The following SDCCAG8 variants were observed in gnomAD, a reference collection of about 807,000 sequenced individuals.
SDCCAG8 encodes SHH signaling and ciliogenesis regulator SDCCAG8.
A neutral mutation model predicts 101.8 loss-of-function variants in SDCCAG8; 74 were observed. The observed-to-expected ratio is 0.73, with a 90% CI of 0.60 to 0.88. The LOEUF is 0.88. Among genes scored for constraint, SDCCAG8 ranks in the 40% least tolerant of loss-of-function variants. The pLI, the probability that SDCCAG8 is intolerant of heterozygous loss-of-function variation, is 0.00. For missense variants in SDCCAG8, 787 were observed against 822.6 expected, an observed-to-expected ratio of 0.96 and a Z score of 0.53; for synonymous variants, 281 against 292.9, an observed-to-expected ratio of 0.96 and a Z score of 0.41.
chr1:243,279,737 G>A (rs1367202830), intron 4 of SDCCAG8, among the ~76,000 whole-genome samples: 3 of 152,134 alleles, frequency 2.0e-5, no homozygotes, highest in African/African-American at 4.8e-5. Context: ...CCAATGTTGT[G>A]TAATTAGAAT....
chr1:243,374,032 G>T (rs544347975), intron 12 of SDCCAG8, among the ~76,000 whole-genome samples: 78 of 152,072 alleles, frequency 5.1e-4, no homozygotes, highest in African/African-American at 1.7e-3. Flanking sequence ...ATTCTAATAG[G>T]TAAAATATTA....
At chr1:243,463,046 A>G (rs1659446815) in intron 16 of SDCCAG8, among the ~76,000 whole-genome samples, 1 of 152,224 alleles carries the variant, frequency 6.6e-6, no homozygotes, top group South Asian at 2.1e-4. Context: ...TCCAGGGCCA[A>G]TAGGAGCTTT....
chr1:243,263,531 G>T (rs1207159354), intron 1 of SDCCAG8, among the ~76,000 whole-genome samples: 1 of 152,216 alleles, frequency 6.6e-6, no homozygotes. Context: ...TCAGTGGAAA[G>T]TGACAGGTGC....
intron 12 of SDCCAG8, among the ~76,000 whole-genome samples, chr1:243,365,704 A>G (rs1160373439): frequency 1.3e-5 from 2 of 152,132 alleles, no homozygotes; most frequent in Non-Finnish European, 2.9e-5. Flanking sequence ...TATCTAAAAA[A>G]CTATATTTAC....
intron 8 of SDCCAG8, among the ~76,000 whole-genome samples, chr1:243,310,369 T>C (rs958360675): frequency 6.6e-6 from 1 of 152,146 alleles, no homozygotes; most frequent in Non-Finnish European, 1.5e-5. Flanking sequence ...TTTTTAAAAA[T>C]CTTCAAGCGT....
chr1:243,323,487 A>G (rs1285104740), intron 9 of SDCCAG8, among the ~76,000 whole-genome samples: 1 of 151,654 alleles, frequency 6.6e-6, no homozygotes, highest in East Asian at 1.9e-4. Context: ...ATGTCATCAC[A>G]TTTTTCTTGC....
intron 13 of SDCCAG8, among the ~76,000 whole-genome samples, chr1:243,409,721 A>G (rs571300557): frequency 6.6e-6 from 1 of 152,334 alleles, no homozygotes; most frequent in South Asian, 2.1e-4. Context: ...GCATAAAAAT[A>G]ATAATCATAA....
At chr1:243,427,356 G>A (rs967675394) in intron 16 of SDCCAG8, among the ~76,000 whole-genome samples, 2 of 151,854 alleles carry the variant, frequency 1.3e-5, no homozygotes, top group Non-Finnish European at 2.9e-5. Context: ...AATAAACACA[G>A]CCTCTTACTA....
At chr1:243,485,894 G>GA (rs111581512) in intron 16 of SDCCAG8, among the ~76,000 whole-genome samples, 169 of 102,312 alleles carry the variant, frequency 1.7e-3, no homozygotes, top group Admixed American at 2.2e-3. Flanking sequence ...TTCGTATCAA[G>GA]AAAAAAAAAA....
intron 12 of SDCCAG8, among the ~76,000 whole-genome samples, chr1:243,349,451 A>T (rs552987348): frequency 6.6e-6 from 1 of 152,350 alleles, no homozygotes; most frequent in South Asian, 2.1e-4. Context: ...TAAAATATTT[A>T]CTGTCTGACC....
chr1:243,304,737 GA>G lies in SDCCAG8; in HGVS notation c.704del (p.Lys235SerfsTer9). ...GGAGAAGCTAAAACTTACTTATGAG[GA>G]AAAGTGTGAAATTGAGGAATCCCAA... ...ELEKLKLTYE[E>X]KCEIEESQLK... On this transcript the variant is annotated frameshift_variant, in exon 7 of 18. Transcript: ENST00000366541. LOFTEE classifies it high-confidence loss of function. 6.3e-7 allele frequency: 1 copy of G among 1,593,722 alleles called. No homozygotes were observed. Among genetic ancestry groups the G allele is most frequent in the Non-Finnish European group, 8.6e-7 (1 of 1,161,722 alleles).
intron 3 of SDCCAG8, among the ~76,000 whole-genome samples, chr1:243,272,458 CATT>C (rs10564216): frequency 0.031 from 4,689 of 152,256 alleles, 232 homozygotes; most frequent in African/African-American, 0.11. Flanking sequence ...AACATCTCAT[CATT>C]TAATGAATTT....
intron 1 of SDCCAG8, among the ~76,000 whole-genome samples, chr1:243,259,562 GTAATCCCA>G (rs2067033725): frequency 2.0e-5 from 3 of 152,132 alleles, no homozygotes; most frequent in Non-Finnish European, 4.4e-5. Context: ...GCTCACGCCT[GTAATCCCA>G]GCACTTTGGG....
intron 6 of SDCCAG8, among the ~76,000 whole-genome samples, chr1:243,296,590 G>T (rs1393682213): frequency 1.4e-4 from 16 of 117,116 alleles, no homozygotes; most frequent in African/African-American, 3.4e-4. Context: ...TCGCCCAGGC[G>T]GGAGTGCTGT....
At chr1:243,314,566 G>T (rs1454714686) in intron 8 of SDCCAG8, among the ~76,000 whole-genome samples, 1 of 152,172 alleles carries the variant, frequency 6.6e-6, no homozygotes, top group Non-Finnish European at 1.5e-5. Context: ...AGCATCTACT[G>T]TGTGACAAAC....
chr1:243,451,015 C>A (rs1011442868), intron 16 of SDCCAG8, among the ~76,000 whole-genome samples: 1 of 152,160 alleles, frequency 6.6e-6, no homozygotes, highest in African/African-American at 2.4e-5. Flanking sequence ...ATTGATATGA[C>A]AAAATGTTCA....
chr1:243,291,564 C>T (rs1434371165), intron 5 of SDCCAG8, among the ~76,000 whole-genome samples: 2 of 152,190 alleles, frequency 1.3e-5, no homozygotes, highest in African/African-American at 2.4e-5. Context: ...CTGTTTATCA[C>T]CATACATGCA....
intron 12 of SDCCAG8, among the ~76,000 whole-genome samples, chr1:243,348,818 C>A (rs1239091851): frequency 5.9e-4 from 78 of 131,152 alleles, no homozygotes; most frequent in African/African-American, 6.7e-4. Context: ...ACTAAAAATA[C>A]AAAAAAAAAA....
At chr1:243,492,070 C>T (rs1389549232) in intron 17 of SDCCAG8, among the ~76,000 whole-genome samples, 1 of 151,996 alleles carries the variant, frequency 6.6e-6, no homozygotes, top group Non-Finnish European at 1.5e-5. Flanking sequence ...CCTGTGGCCT[C>T]CAACAGGAAG....
Sources: allele counts gnomAD v4.1 joint callset (sites outside exome capture counted in the v4.1 genomes callset), GRCh38; gene constraint gnomAD v4.1.1; transcripts MANE v1.5; gene names NCBI Gene and HGNC (gene_info 2026-07-23, HGNC 2026-07-21).